The following TMEM135 variants were observed in gnomAD, a reference collection of about 807,000 sequenced individuals.
TMEM135 encodes the protein peroxisomal membrane protein 52.
In TMEM135, 30 loss-of-function variants were observed where a neutral mutation model predicts 60.3. That is an observed-to-expected ratio of 0.50 (90% CI 0.37 to 0.68). TMEM135 has a LOEUF of 0.68. TMEM135 is among the 30% of genes least tolerant of loss of function. TMEM135 has a pLI of 0.00. For synonymous variants in TMEM135, 190 were observed against 186.7 expected (o/e 1.02, Z -0.14); for missense variants, 468 against 548.8 (o/e 0.85, Z 1.47).
intron 5 of TMEM135, among the ~76,000 whole-genome samples, chr11:87,190,695 T>C (rs1392743473): frequency 6.6e-6 from 1 of 152,118 alleles, no homozygotes; most frequent in Non-Finnish European, 1.5e-5. Flanking sequence ...CCTTGGAGAG[T>C]GACCTGAAAG....
rs1315047739 is a variant in TMEM135 at position 87,244,775 on chromosome 11, A to T, written c.509+8091A>T. On this transcript the variant is annotated intron_variant, in intron 6 of 14. Transcript: ENST00000305494. ...TATTAGTCTTGCTAGCGGTCTATCAATTTTTTTGATCCTTTCAAAGAACCA... is the reference window on the plus strand; with the variant it reads ...TATTAGTCTTGCTAGCGGTCTATCATTTTTTTTGATCCTTTCAAAGAACCA... 2.1e-5 allele frequency among the ~76,000 whole-genome samples: 3 copies of T among 142,624 alleles called. No individual in the cohort carries two copies. The East Asian group carries it at 5.9e-4, about 28-fold the overall frequency. The allele number at this position is 142,624 out of a possible 152,430, so 93.6% of individuals were successfully genotyped here.
intron 5 of TMEM135, among the ~76,000 whole-genome samples, chr11:87,225,100 A>G (rs1293526926): frequency 6.6e-6 from 1 of 152,154 alleles, no homozygotes; most frequent in African/African-American, 2.4e-5. Context: ...TGTTTCATCT[A>G]CTATACATGA....
intron 6 of TMEM135, among the ~76,000 whole-genome samples, chr11:87,280,172 A>G (rs747316192): frequency 4.6e-5 from 7 of 152,266 alleles, no homozygotes; most frequent in Admixed American, 1.3e-4. Flanking sequence ...TGGCATTAAT[A>G]TCAGTTGCTT....
chr11:87,307,577 G>A (rs116379279), intron 9 of TMEM135, among the ~76,000 whole-genome samples: 5,503 of 152,128 alleles, frequency 0.036, 93 homozygotes, highest in Admixed American at 0.046. Context: ...GTATGAGAAA[G>A]TTAGTGAGAA....
intron 6 of TMEM135, among the ~76,000 whole-genome samples, chr11:87,244,505 T>C (rs1216502993): frequency 1.1e-5 from 1 of 95,082 alleles, no homozygotes; most frequent in African/African-American, 4.0e-5. Flanking sequence ...TGGTAAGCTA[T>C]TGATTATTGC....
chr11:87,163,808 ATG>A (rs1390489475), intron 5 of TMEM135, among the ~76,000 whole-genome samples: 2 of 138,926 alleles, frequency 1.4e-5, no homozygotes, highest in Non-Finnish European at 3.1e-5. Flanking sequence ...GCATTTTTTC[ATG>A]TGTTTTTTGC....
chr11:87,225,158 C>G (rs1270197132), intron 5 of TMEM135, among the ~76,000 whole-genome samples: 3 of 151,950 alleles, frequency 2.0e-5, no homozygotes. Context: ...TTTGTAAATG[C>G]TATAAATCTT....
rs142208519 is a variant in TMEM135, at chr11:87,118,280, G to T, written c.396+26885G>T. ...AAGTCACCAGTTGTATGGAAAGTCA[G>T]TCTGTTCTCTAAAGGTTTGAAGCCA... is the stretch of plus-strand genomic sequence containing the variant. On this transcript the variant is annotated intron_variant, in intron 4 of 14. Transcript: ENST00000305494. 3.7e-3 allele frequency among the ~76,000 whole-genome samples: 562 copies of T among 152,260 alleles called. 5 individuals carry two copies. Among genetic ancestry groups the T allele is most frequent in the African/African-American group, 0.013 (545 of 41,550 alleles).
chr11:87,119,338 T>C (rs1857980796), intron 4 of TMEM135, among the ~76,000 whole-genome samples: 1 of 152,138 alleles, frequency 6.6e-6, no homozygotes, highest in South Asian at 2.1e-4. Flanking sequence ...ACACACAACA[T>C]TTATCTATTA....
In TMEM135 at chr11:87,157,352, A is replaced by G. The variant is rs1290967839; in HGVS notation, c.408A>G (p.Thr136=). 1 of 1,613,110 alleles carries G rather than the reference A, an allele frequency of 6.2e-7. No homozygotes were observed. Among genetic ancestry groups the G allele is most frequent in the East Asian group, 2.2e-5 (1 of 44,766 alleles). The stretch of plus-strand genomic sequence containing the variant: ...TTTTTAATTTACAGGCCACAGAAAC[A>G]CTATTCAGAATGGGTGTAGCAAGAG... ...TIYMANLATE[T]LFRMGVARGT... Residue 136 remains threonine (T), a synonymous_variant, in exon 5 of 15, where the codon ACA becomes ACG. Coordinates refer to ENST00000305494, the MANE Select transcript of TMEM135 (RefSeq NM_022918.4).
At chr11:87,110,544 A>G (rs1028470726) in intron 4 of TMEM135, among the ~76,000 whole-genome samples, 2 of 152,180 alleles carry the variant, frequency 1.3e-5, no homozygotes, top group African/African-American at 4.8e-5. Context: ...CATCTGTCAA[A>G]TGGAATAATT....
intron 5 of TMEM135, among the ~76,000 whole-genome samples, chr11:87,165,900 A>G (rs911549452): frequency 1.3e-5 from 2 of 150,884 alleles, no homozygotes; most frequent in Non-Finnish European, 2.9e-5. Flanking sequence ...AAAAATGATA[A>G]AGGGGATATC....
chr11:87,171,877 G>C (rs190295834), intron 5 of TMEM135, among the ~76,000 whole-genome samples: 40 of 152,188 alleles, frequency 2.6e-4, no homozygotes, highest in African/African-American at 9.6e-4. Flanking sequence ...CCCATGTGCA[G>C]TTCAAAATAG....
rs529737280 is a variant in TMEM135, at chr11:87,244,179, C to T, written c.509+7495C>T. The stretch of plus-strand genomic sequence containing the variant: ...TATTGATTTGCGTATATTGAACCAG[C>T]CTTGCATCCCAGGGATGAAGCCCAC... On this transcript the variant is annotated intron_variant, in intron 6 of 14. Coordinates refer to ENST00000305494, the MANE Select transcript of TMEM135 (RefSeq NM_022918.4). Among the ~76,000 whole-genome samples, 4 of 67,428 alleles carry T rather than the reference C, an allele frequency of 5.9e-5. 2 individuals are homozygous for T. The highest frequency in any genetic ancestry group is 2.5e-4 in the Admixed American group (2 of 7,978). The allele number at this position is 67,428 out of a possible 152,430, so 44.2% of individuals were successfully genotyped here.
intron 8 of TMEM135, 114 bp from the exon 9 acceptor site, chr11:87,305,821 CT>C: frequency 2.1e-6 from 1 of 473,658 alleles, no homozygotes; most frequent in Non-Finnish European, 3.7e-6. Flanking sequence ...ATGTTTTCTT[CT>C]CTCTCTTTTT....
chr11:87,066,285 C>T (rs1037355185), intron 1 of TMEM135, among the ~76,000 whole-genome samples: 1 of 152,084 alleles, frequency 6.6e-6, no homozygotes, highest in African/African-American at 2.4e-5. Context: ...CTCTTTTCTA[C>T]GACTAGTGAG....
chr11:87,132,823 G>GT (rs34935722), intron 4 of TMEM135, among the ~76,000 whole-genome samples: 4 of 151,992 alleles, frequency 2.6e-5, no homozygotes, highest in African/African-American at 9.7e-5. Flanking sequence ...CCTATGGTAT[G>GT]TTTTTTTCTC....
At chr11:87,301,926 G>A (rs2135439771) in intron 7 of TMEM135, among the ~76,000 whole-genome samples, 2 of 152,302 alleles carry the variant, frequency 1.3e-5, no homozygotes, top group South Asian at 4.1e-4. Flanking sequence ...ACTGTTTTCT[G>A]ATTCCTGGTC....
chr11:87,062,808 AAC>A (rs1295847554), intron 1 of TMEM135, among the ~76,000 whole-genome samples: 1 of 152,172 alleles, frequency 6.6e-6, no homozygotes, highest in Non-Finnish European at 1.5e-5. Context: ...AGAAAAAATG[AAC>A]AGTTTTGTTA....
Sources: allele counts gnomAD v4.1 joint callset (sites outside exome capture counted in the v4.1 genomes callset), GRCh38; gene constraint gnomAD v4.1.1; transcripts MANE v1.5; gene names NCBI Gene and HGNC (gene_info 2026-07-23, HGNC 2026-07-21).